Variants in OCA2 observed in about 807,000 individuals in gnomAD.
The protein encoded by OCA2 is P protein.
Under a neutral mutation model 100.2 loss-of-function variants are expected in OCA2, and 77 were observed. That is an observed-to-expected ratio of 0.77 (90% CI 0.64 to 0.93). The LOEUF is 0.93. Among genes scored for constraint, OCA2 ranks in the 40% least tolerant of loss-of-function variants. The pLI is 0.00. For synonymous variants in OCA2, 432 were observed against 439.2 expected (o/e 0.98, Z 0.21); for missense variants, 1,062 against 1,089.1 (o/e 0.98, Z 0.35).
At chr15:27,828,810 G>A (rs989827796) in intron 23 of OCA2, among the ~76,000 whole-genome samples, 2 of 152,204 alleles carry the variant, frequency 1.3e-5, no homozygotes, top group South Asian at 4.1e-4. Flanking sequence ...TGAAGGGTCA[G>A]TCTGGGGTTG....
At chr15:27,937,739 C>T (rs191691783) in intron 18 of OCA2, among the ~76,000 whole-genome samples, 1 of 152,286 alleles carries the variant, frequency 6.6e-6, no homozygotes, top group Admixed American at 6.5e-5. Context: ...AAGATTCCGT[C>T]CATTTTTCTA....
intron 14 of OCA2, among the ~76,000 whole-genome samples, chr15:27,971,170 G>T (rs1005808635): frequency 6.6e-6 from 1 of 151,908 alleles, no homozygotes; most frequent in Non-Finnish European, 1.5e-5. Flanking sequence ...GCCCCAGCAC[G>T]CATGGCATGG....
intron 2 of OCA2, among the ~76,000 whole-genome samples, chr15:28,045,912 C>T (rs2043332911): frequency 6.6e-6 from 1 of 152,224 alleles, no homozygotes; most frequent in East Asian, 1.9e-4. Flanking sequence ...ATATTCATAC[C>T]AAAACCCTCA....
At chr15:27,883,754 T>C (rs964752702) in intron 19 of OCA2, among the ~76,000 whole-genome samples, 2 of 152,218 alleles carry the variant, frequency 1.3e-5, no homozygotes, top group Non-Finnish European at 2.9e-5. Context: ...CTGGGATCTC[T>C]GGGCTTCCTT....
intron 19 of OCA2, among the ~76,000 whole-genome samples, chr15:27,919,038 C>T (rs533193289): frequency 6.6e-6 from 1 of 152,262 alleles, no homozygotes; most frequent in East Asian, 1.9e-4. Flanking sequence ...AGAAATCCAA[C>T]ATGATGTATA....
At chr15:28,098,607 A>G (rs1239359504) in intron 1 of OCA2, among the ~76,000 whole-genome samples, 3 of 152,204 alleles carry the variant, frequency 2.0e-5, no homozygotes, top group Non-Finnish European at 4.4e-5. Flanking sequence ...GCCGGGCCCC[A>G]GGCTCTGATT....
At chr15:27,903,959 T>G (rs2038067355) in intron 19 of OCA2, among the ~76,000 whole-genome samples, 1 of 152,152 alleles carries the variant, frequency 6.6e-6, no homozygotes, top group Non-Finnish European at 1.5e-5. Context: ...AAGAAATTGG[T>G]CTTAGCTTTT....
intron 19 of OCA2, among the ~76,000 whole-genome samples, chr15:27,879,459 T>C (rs1037435583): frequency 2.0e-5 from 3 of 152,200 alleles, no homozygotes; most frequent in African/African-American, 7.2e-5. Flanking sequence ...TGAACTAATT[T>C]AGATTTACAC....
intron 23 of OCA2, among the ~76,000 whole-genome samples, chr15:27,840,599 AACAGATCC>A (rs1426736018): frequency 1.3e-5 from 2 of 152,214 alleles, no homozygotes; most frequent in Non-Finnish European, 2.9e-5. Context: ...AGAACCCAGG[AACAGATCC>A]ACAAAGATGC....
At chr15:27,738,587 T>G in the OCA2 span, among the ~76,000 whole-genome samples, 1 of 152,056 alleles carries the variant, frequency 6.6e-6, no homozygotes, top group African/African-American at 2.4e-5. Flanking sequence ...TACAAAAAAT[T>G]AGCCGGGCAT....
At chr15:28,089,750 A>G (rs903273046) in intron 1 of OCA2, among the ~76,000 whole-genome samples, 6 of 152,224 alleles carry the variant, frequency 3.9e-5, no homozygotes, top group Non-Finnish European at 7.3e-5. Flanking sequence ...ATGGGTTCAC[A>G]TGGACATAAA....
chr15:27,937,228 T>C (rs758107603), intron 18 of OCA2, among the ~76,000 whole-genome samples: 1 of 152,226 alleles, frequency 6.6e-6, no homozygotes, highest in Non-Finnish European at 1.5e-5. Flanking sequence ...ATTTGTGAGA[T>C]CCAGTCATGT....
chr15:27,741,457 G>A, the OCA2 span, among the ~76,000 whole-genome samples: 1 of 152,348 alleles, frequency 6.6e-6, no homozygotes, highest in South Asian at 2.1e-4. Context: ...GTGAGCCGGT[G>A]TCGTGACCCC....
At chr15:27,747,716 T>A in the OCA2 span, among the ~76,000 whole-genome samples, 43 of 151,154 alleles carry the variant, frequency 2.8e-4, no homozygotes, top group South Asian at 8.9e-3. Context: ...GAAATAATGC[T>A]ATGCTTATCT....
intron 2 of OCA2, among the ~76,000 whole-genome samples, chr15:28,051,379 G>A (rs1042725635): frequency 2.0e-5 from 3 of 151,918 alleles, no homozygotes; most frequent in East Asian, 1.9e-4. Context: ...AGCAATCTCC[G>A]CCTCCCAGGT....
At chr15:27,875,083 A>C (rs1324566020) in intron 19 of OCA2, among the ~76,000 whole-genome samples, 1 of 152,192 alleles carries the variant, frequency 6.6e-6, no homozygotes, top group African/African-American at 2.4e-5. Flanking sequence ...TGATAATTTT[A>C]AGTAGAAAGT....
At chr15:28,039,944 A>C (rs2043153706) in intron 2 of OCA2, among the ~76,000 whole-genome samples, 1 of 152,024 alleles carries the variant, frequency 6.6e-6, no homozygotes, top group African/African-American at 2.4e-5. Flanking sequence ...AGGCAGGAGA[A>C]CTGCTTGAAC....
chr15:27,913,602 A>G (rs1278243211), intron 19 of OCA2, among the ~76,000 whole-genome samples: 2 of 151,740 alleles, frequency 1.3e-5, no homozygotes, highest in Admixed American at 6.6e-5. Flanking sequence ...AATCCTTGTT[A>G]TAAGAAGAGA....
At chr15:28,014,130 C>T (rs1006233181) in intron 9 of OCA2, among the ~76,000 whole-genome samples, 5 of 152,200 alleles carry the variant, frequency 3.3e-5, no homozygotes, top group Non-Finnish European at 5.9e-5. Context: ...ACCTTCCAGG[C>T]TCCTGTCCGT....
Sources: gnomAD v4.1 joint callset for allele counts (sites outside exome capture counted in the v4.1 genomes callset) on GRCh38, gnomAD v4.1.1 for gene constraint, MANE v1.5 for transcripts, NCBI Gene and HGNC (gene_info 2026-07-23, HGNC 2026-07-21) for gene names.